Variants in SPOCK1 observed in about 807,000 individuals in gnomAD.
SPOCK1 encodes the protein testican-1.
A neutral mutation model predicts 55.3 loss-of-function variants in SPOCK1; 23 were observed. The ratio of observed to expected loss-of-function variants is 0.42; its 90% CI spans 0.30 to 0.59. The LOEUF is 0.59. Ranked by LOEUF, SPOCK1 falls within the 20% of genes least tolerant of loss-of-function variation. The pLI is 0.22. For missense variants in SPOCK1, 499 were observed against 552.5 expected (o/e 0.90, Z 0.97); for synonymous variants, 226 against 221.0 (o/e 1.02, Z -0.20).
At chr5:137,333,248 T>A (rs1030279367) in intron 2 of SPOCK1, among the ~76,000 whole-genome samples, 2 of 152,198 alleles carry the variant, frequency 1.3e-5, no homozygotes, top group Non-Finnish European at 2.9e-5. Context: ...AAATACATGT[T>A]AAGGCTCGAG....
At chr5:137,103,337 C>T (rs1014191468) in intron 5 of SPOCK1, among the ~76,000 whole-genome samples, 1 of 152,188 alleles carries the variant, frequency 6.6e-6, no homozygotes, top group Non-Finnish European at 1.5e-5. Context: ...TACATTGCTG[C>T]CTGTAATAAA....
chr5:137,240,344 A>T (rs1359689708), intron 3 of SPOCK1, among the ~76,000 whole-genome samples: 12 of 152,224 alleles, frequency 7.9e-5, no homozygotes, highest in Admixed American at 7.9e-4. Flanking sequence ...GGAAGCTTCC[A>T]ATCATGATAG....
chr5:137,335,659 T>C (rs1020786673), intron 2 of SPOCK1, among the ~76,000 whole-genome samples: 3 of 152,208 alleles, frequency 2.0e-5, no homozygotes, highest in Non-Finnish European at 4.4e-5. Flanking sequence ...GGCCTCCCTC[T>C]TCAAGTAAGC....
intron 2 of SPOCK1, among the ~76,000 whole-genome samples, chr5:137,468,871 C>T (rs1198109593): frequency 1.3e-5 from 2 of 152,150 alleles, no homozygotes; most frequent in African/African-American, 4.8e-5. Context: ...GGGCCGTTCC[C>T]CCCAACTCAC....
intron 2 of SPOCK1, among the ~76,000 whole-genome samples, chr5:137,268,477 T>A (rs1478066991): frequency 6.6e-6 from 1 of 152,234 alleles, no homozygotes; most frequent in Admixed American, 6.5e-5. Context: ...CTCTCTGCAA[T>A]ATCTTTCCCC....
intron 6 of SPOCK1, among the ~76,000 whole-genome samples, chr5:137,039,682 T>G (rs947395813): frequency 5.3e-5 from 8 of 152,230 alleles, no homozygotes; most frequent in African/African-American, 1.9e-4. Flanking sequence ...GGAGTAGCCC[T>G]GGCATCAGAG....
chr5:137,231,428 A>G (rs1756061912), intron 3 of SPOCK1, among the ~76,000 whole-genome samples: 1 of 152,228 alleles, frequency 6.6e-6, no homozygotes, highest in Non-Finnish European at 1.5e-5. Flanking sequence ...CCTGGCAACT[A>G]TCAATCTTTT....
intron 2 of SPOCK1, chr5:137,365,235 A>C (rs574619022): frequency 4.6e-4 from 70 of 152,376 alleles, no homozygotes; most frequent in African/African-American, 1.6e-3. Context: ...CCAGTAAACA[A>C]GTGAGGAGAG....
intron 6 of SPOCK1, among the ~76,000 whole-genome samples, chr5:137,034,578 T>A (rs762690195): frequency 1.3e-5 from 2 of 152,220 alleles, no homozygotes; most frequent in Non-Finnish European, 2.9e-5. Flanking sequence ...TCACACTCCA[T>A]GGGCTCAGCA....
Position 136,992,525 on chromosome 5 carries a change from T to C in SPOCK1, c.665A>G (p.Asn222Ser). The part of the protein sequence containing the change: ...DWFGALHEDA[N>S]RVIKPTSSNT... ...GGAGCTGGTGGGCTTGATGACTCTGTTCGCATCCTCGTGGAGAGCTCCAAA... is the reference window on the plus strand; with the variant it reads ...GGAGCTGGTGGGCTTGATGACTCTGCTCGCATCCTCGTGGAGAGCTCCAAA... The change falls in exon 7 of 11, where the codon AAC becomes AGC. Residue 222 changes from asparagine (N) to serine (S), a missense_variant. Asn to Ser is a conservative substitution (Grantham distance 46, BLOSUM62 1). Around this residue, in one of 3 missense-constraint regions of SPOCK1, gnomAD observed 386 missense variants for 400.6 expected, o/e 0.96. Transcript: ENST00000394945. 1 of 1,613,926 alleles carries C rather than the reference T, an allele frequency of 6.2e-7. No individual in the cohort carries two copies. The highest frequency in any genetic ancestry group is 2.2e-5 in the East Asian group (1 of 44,858).
intron 2 of SPOCK1, among the ~76,000 whole-genome samples, chr5:137,484,619 C>T (rs972279271): frequency 2.6e-5 from 4 of 152,166 alleles, no homozygotes; most frequent in African/African-American, 9.7e-5. Flanking sequence ...GAATCAGTAC[C>T]ACGTGACAAC....
At chr5:137,219,051 C>T (rs956136512) in intron 3 of SPOCK1, among the ~76,000 whole-genome samples, 15 of 152,178 alleles carry the variant, frequency 9.9e-5, no homozygotes, top group African/African-American at 3.6e-4. Context: ...CTGTTTTATA[C>T]AAAGCTCTCT....
At chr5:137,317,044 C>T (rs1035585364) in intron 2 of SPOCK1, among the ~76,000 whole-genome samples, 1 of 152,184 alleles carries the variant, frequency 6.6e-6, no homozygotes, top group Non-Finnish European at 1.5e-5. Flanking sequence ...GAAGATCAAG[C>T]AGCCCACCTT....
intron 3 of SPOCK1, among the ~76,000 whole-genome samples, chr5:137,144,042 G>C (rs13179208): frequency 0.23 from 35,081 of 152,046 alleles, 4,442 homozygotes; most frequent in Non-Finnish European, 0.28. Flanking sequence ...TGGGTAAAAG[G>C]AGGGGGCAGC....
At chr5:137,162,808 A>C (rs1369726965) in intron 3 of SPOCK1, among the ~76,000 whole-genome samples, 2 of 152,194 alleles carry the variant, frequency 1.3e-5, no homozygotes, top group Non-Finnish European at 2.9e-5. Context: ...AAATAAATGA[A>C]CCTGGCAGTT....
chr5:137,332,793 C>T (rs1465246660), intron 2 of SPOCK1, among the ~76,000 whole-genome samples: 1 of 152,164 alleles, frequency 6.6e-6, no homozygotes, highest in African/African-American at 2.4e-5. Context: ...GGCAGACAGA[C>T]AGATGTCTGC....
intron 2 of SPOCK1, among the ~76,000 whole-genome samples, chr5:137,327,242 G>T (rs150566842): frequency 3.0e-4 from 46 of 152,260 alleles, no homozygotes; most frequent in African/African-American, 1.1e-3. Flanking sequence ...CACCTAAAAT[G>T]CTGCCTTCCC....
At chr5:137,281,061 T>C (rs542553892) in intron 2 of SPOCK1, among the ~76,000 whole-genome samples, 14 of 152,258 alleles carry the variant, frequency 9.2e-5, no homozygotes, top group Non-Finnish European at 2.1e-4. Flanking sequence ...GTTTCTACTT[T>C]ACTACTTTTC....
intron 2 of SPOCK1, among the ~76,000 whole-genome samples, chr5:137,353,254 G>A (rs913109065): frequency 8.5e-5 from 13 of 152,120 alleles, no homozygotes; most frequent in African/African-American, 2.7e-4. Context: ...GGTGATGTAC[G>A]CCTGTAGTCC....
Sources: gnomAD v4.1 joint callset for allele counts (sites outside exome capture counted in the v4.1 genomes callset) on GRCh38, gnomAD v4.1.1 for gene constraint, gnomAD v4.1.1 regional missense constraint, MANE v1.5 for transcripts, NCBI Gene and HGNC (gene_info 2026-07-23, HGNC 2026-07-21) for gene names.